The following SYNE1 variants were observed in gnomAD, a reference collection of about 807,000 sequenced individuals.
The protein encoded by SYNE1 is nesprin-1.
A neutral mutation model predicts 1,111.0 loss-of-function variants in SYNE1; 616 were observed. The observed-to-expected ratio is 0.55, with a 90% CI of 0.52 to 0.59. SYNE1 has a LOEUF of 0.59. SYNE1 is among the 20% of genes least tolerant of loss of function. The probability of loss-of-function intolerance (pLI) is 0.00; values close to 1 mark genes in which losing one functional copy is unlikely to be tolerated. For synonymous variants in SYNE1, 3,855 were observed against 3,825.8 expected (o/e 1.01, Z -0.28); for missense variants, 10,006 against 10,417.0 (o/e 0.96, Z 1.72).
Position 152,326,090 on chromosome 6 carries a change from T to C in SYNE1, c.15306A>G (p.Gln5102=). The change falls in exon 80 of 146, where the codon CAA becomes CAG. Residue 5102 remains glutamine (Q), a synonymous_variant. Coordinates refer to ENST00000367255, the MANE Select transcript of SYNE1 (RefSeq NM_182961.4). Reference sequence around the variant, plus strand: ...CCCTTGCTTTCTGGTAATCGTGCCATTGAGCTGTGCATCTTGAAAGAGTCC... The same window carrying C: ...CCCTTGCTTTCTGGTAATCGTGCCACTGAGCTGTGCATCTTGAAAGAGTCC... ...QVDLLQRCTA[Q]WHDYQKAREE... 6 of 1,614,126 alleles carry C rather than the reference T, an allele frequency of 3.7e-6. No individual in the cohort carries two copies. Among genetic ancestry groups the C allele is most frequent in the South Asian group, 2.2e-5 (2 of 91,086 alleles).
intron 3 of SYNE1, among the ~76,000 whole-genome samples, chr6:152,601,303 T>C (rs1435726004): frequency 1.3e-5 from 2 of 152,204 alleles, no homozygotes; most frequent in African/African-American, 2.4e-5. Context: ...CCATGATCAA[T>C]AGTAGACCTG....
intron 72 of SYNE1, among the ~76,000 whole-genome samples, chr6:152,348,743 AGT>A (rs1332066486): frequency 1.1e-5 from 1 of 92,684 alleles, no homozygotes; most frequent in Non-Finnish European, 2.4e-5. Context: ...ATCAAGTTCT[AGT>A]GTTTTTTTTT....
intron 130 of SYNE1, chr6:152,168,267 A>T: frequency 1.5e-6 from 1 of 652,124 alleles, no homozygotes; most frequent in South Asian, 1.8e-5. Context: ...CGTGGGGATG[A>T]AAGTTTCCCC....
At chr6:152,382,575 CATG>C (rs1307633619) in intron 55 of SYNE1, among the ~76,000 whole-genome samples, 1 of 152,088 alleles carries the variant, frequency 6.6e-6, no homozygotes, top group African/African-American at 2.4e-5. Context: ...TTACACACAG[CATG>C]ATATGTATAT....
At chr6:152,458,084 T>C (rs1441393608) in intron 22 of SYNE1, among the ~76,000 whole-genome samples, 1 of 152,078 alleles carries the variant, frequency 6.6e-6, no homozygotes, top group Non-Finnish European at 1.5e-5. Context: ...AGGGATCACG[T>C]TTCATGAACA....
chr6:152,205,486 G>A (rs1317977108), intron 126 of SYNE1, among the ~76,000 whole-genome samples: 1 of 152,182 alleles, frequency 6.6e-6, no homozygotes. Context: ...TAAGTTAACT[G>A]GGTCACTTGG....
chr6:152,385,402 C>T (rs2097510341), intron 55 of SYNE1, among the ~76,000 whole-genome samples: 1 of 152,154 alleles, frequency 6.6e-6, no homozygotes, highest in Admixed American at 6.5e-5. Flanking sequence ...GTTTTGTCAG[C>T]CCACCAAATT....
At chr6:152,379,960 T>C (rs1234884733) in intron 56 of SYNE1, among the ~76,000 whole-genome samples, 4 of 152,224 alleles carry the variant, frequency 2.6e-5, no homozygotes, top group African/African-American at 9.6e-5. Flanking sequence ...TTTTTTCATA[T>C]TATACCATGT....
At position 152,554,171 on chromosome 6, in the gene SYNE1, C is replaced by G. The variant is rs536288717; in HGVS notation, c.68-14150G>C. ...GTGCCCCAGTCATCTGCTGCACCAG[C>G]TACAATGTTAACTACTAAGCTCTAA... On this transcript the variant is annotated intron_variant, in intron 3 of 145. Transcript: ENST00000367255. Among the ~76,000 whole-genome samples, 62 of 152,164 alleles carry G rather than the reference C, an allele frequency of 4.1e-4. 1 individual carries two copies. The highest frequency in any genetic ancestry group is 1.4e-3 in the African/African-American group (58 of 41,506).
intron 118 of SYNE1, 53 bp downstream of exon 118, chr6:152,221,373 A>C: frequency 1.3e-6 from 2 of 1,595,754 alleles, no homozygotes; most frequent in Non-Finnish European, 1.7e-6. Flanking sequence ...TTATATCATT[A>C]TTTATAATAA....
chr6:152,179,482 A>T (rs1041906203), intron 129 of SYNE1: 1 of 146,272 alleles, frequency 6.8e-6, no homozygotes, highest in Non-Finnish European at 1.5e-5. Flanking sequence ...AACAAAAAAA[A>T]ATACACAAAA....
chr6:152,272,685 T>C (rs1239414485), intron 98 of SYNE1, among the ~76,000 whole-genome samples: 1 of 152,128 alleles, frequency 6.6e-6, no homozygotes, highest in Non-Finnish European at 1.5e-5. Flanking sequence ...CAAGTCAAAT[T>C]AGTTAAAAGG....
rs762625974 is a variant in SYNE1 at position 152,381,315 on chromosome 6, C to T, written c.8700G>A (p.Val2900=). ...GTTTCACTTCGGGAGCCAGCGACTC[C>T]ACTCTGCTGAGACGGCTTGCACCAA... ...REIGASRLSR[V]ESLAPEVKQN... Residue 2900 remains valine, a synonymous_variant, in exon 56 of 146, where the codon GTG becomes GTA. Transcript: ENST00000367255. 10 of 1,614,148 alleles carry T rather than the reference C, an allele frequency of 6.2e-6. No homozygotes were observed. The highest frequency in any genetic ancestry group is 8.5e-6 in the Non-Finnish European group (10 of 1,180,048).
intron 14 of SYNE1, among the ~76,000 whole-genome samples, chr6:152,476,880 A>G (rs1230703226): frequency 4.2e-5 from 6 of 144,192 alleles, no homozygotes; most frequent in Admixed American, 4.1e-4. Context: ...AAAAAAAAAA[A>G]AGAAAAGAAA....
chr6:152,189,319 T>C lies in SYNE1; in HGVS notation c.23234A>G (p.Asp7745Gly), dbSNP rs747774735. The C allele has an allele frequency of 4.3e-6, 7 of 1,613,862 alleles. No individual in the cohort carries two copies. The highest frequency in any genetic ancestry group is 1.6e-4 in the Middle Eastern group (1 of 6,084). Residue 7745 changes from aspartate to glycine, a missense_variant, in exon 128 of 146, where the codon GAT (aspartate) becomes GGT (glycine). Transcript: ENST00000367255. ...GCGTTCATTAAGAATGGAGATATCA[T>C]CAGCACTGATATAGGCAGAGAGGGT... is the stretch of plus-strand genomic sequence containing the variant. ...KDTLSAYISA[D>G]DISILNERVE...
intron 8 of SYNE1, among the ~76,000 whole-genome samples, chr6:152,507,514 G>T (rs1023285204): frequency 1.2e-4 from 18 of 152,030 alleles, no homozygotes; most frequent in African/African-American, 4.3e-4. Context: ...AACAGTTAAA[G>T]TAGTAGGTAA....
chr6:152,601,632 G>A (rs760494393), intron 3 of SYNE1, among the ~76,000 whole-genome samples: 19 of 152,280 alleles, frequency 1.2e-4, no homozygotes, highest in Admixed American at 6.5e-5. Context: ...GGCAGGAGGA[G>A]CCCTTAAACA....
chr6:152,395,447 C>A, intron 51 of SYNE1, 69 bp downstream of exon 51: 1 of 1,533,314 alleles, frequency 6.5e-7, no homozygotes. Flanking sequence ...CAAAACCAAA[C>A]CAACCAACCA....
intron 145 of SYNE1, 47 bp downstream of exon 145, chr6:152,130,673 T>C (rs746546671): frequency 1.2e-6 from 2 of 1,605,744 alleles, no homozygotes; most frequent in Admixed American, 1.7e-5. Context: ...ATTTTCATCA[T>C]CCTCTTGGGG....
Sources: allele counts gnomAD v4.1 joint callset (sites outside exome capture counted in the v4.1 genomes callset), GRCh38; gene constraint gnomAD v4.1.1; transcripts MANE v1.5; gene names NCBI Gene and HGNC (gene_info 2026-07-23, HGNC 2026-07-21).